Variants in CCDC192 observed in about 807,000 individuals in gnomAD.
CCDC192 encodes the protein coiled-coil domain containing 192, also known as coiled-coil domain-containing protein 192.
chr5:127,941,040 C>T (rs1024519721), intron 6 of CCDC192, 142 bp from the exon 7 acceptor site: 2 of 396,298 alleles, frequency 5.0e-6, no homozygotes, highest in Non-Finnish European at 8.9e-6. Context: ...AGATTTTATT[C>T]TCAGGGTATC....
At chr5:127,704,080 A>T (rs1299223847) in intron 1 of CCDC192, among the ~76,000 whole-genome samples, 1 of 152,186 alleles carries the variant, frequency 6.6e-6, no homozygotes, top group Non-Finnish European at 1.5e-5. Flanking sequence ...TTTTCTTTTA[A>T]ATCTTGAGTG....
chr5:127,747,278 C>T (rs1753826640), intron 2 of CCDC192, among the ~76,000 whole-genome samples: 1 of 151,778 alleles, frequency 6.6e-6, no homozygotes, highest in African/African-American at 2.4e-5. Context: ...CGCAACAGTC[C>T]CCAGAGTGTG....
chr5:127,796,987 T>C (rs1757198483), intron 3 of CCDC192, 116 bp from the exon 4 acceptor site: 1 of 379,018 alleles, frequency 2.6e-6, no homozygotes, highest in Non-Finnish European at 4.7e-6. Context: ...CTCCAGAAGC[T>C]ATTTTCATAT....
At chr5:127,703,757 G>T (rs368828330) in intron 1 of CCDC192, among the ~76,000 whole-genome samples, 1 of 152,064 alleles carries the variant, frequency 6.6e-6, no homozygotes, top group Non-Finnish European at 1.5e-5. Context: ...CCCTTACTTG[G>T]TCTTCTAAAA....
At chr5:127,928,203 A>C (rs1349210153) in intron 6 of CCDC192, among the ~76,000 whole-genome samples, 2 of 152,106 alleles carry the variant, frequency 1.3e-5, no homozygotes, top group Admixed American at 6.5e-5. Flanking sequence ...TACAGGCCTG[A>C]GCGACCACGC....
chr5:127,721,729 C>T (rs1045478408), intron 2 of CCDC192, among the ~76,000 whole-genome samples: 10 of 152,148 alleles, frequency 6.6e-5, no homozygotes, highest in Non-Finnish European at 2.9e-5. Flanking sequence ...TTGATTGGCT[C>T]ATGGTTCCTC....
chr5:127,894,060 T>G (rs1376500681), intron 6 of CCDC192, among the ~76,000 whole-genome samples: 1 of 152,186 alleles, frequency 6.6e-6, no homozygotes, highest in East Asian at 1.9e-4. Context: ...GCTGAAATGT[T>G]TATTTGTTCT....
chr5:127,878,374 G>A (rs913667192), intron 6 of CCDC192, among the ~76,000 whole-genome samples: 4 of 152,218 alleles, frequency 2.6e-5, no homozygotes, highest in Admixed American at 6.5e-5. Flanking sequence ...AGGGTAGAGG[G>A]AGTAAATGTG....
intron 5 of CCDC192, among the ~76,000 whole-genome samples, chr5:127,840,708 G>A (rs1052717907): frequency 1.3e-5 from 2 of 152,130 alleles, no homozygotes; most frequent in South Asian, 4.1e-4. Flanking sequence ...ACGACTAAAT[G>A]TAAAATATTC....
At chr5:127,714,662 G>A (rs1204212413) in intron 2 of CCDC192, among the ~76,000 whole-genome samples, 3 of 152,080 alleles carry the variant, frequency 2.0e-5, no homozygotes, top group Non-Finnish European at 2.9e-5. Flanking sequence ...GAGCCACTAC[G>A]CCTGGCCAGT....
chr5:127,879,919 A>AT (rs1752278881), intron 6 of CCDC192, among the ~76,000 whole-genome samples: 2 of 151,284 alleles, frequency 1.3e-5, no homozygotes, highest in Admixed American at 1.3e-4. Flanking sequence ...AATGGCTATC[A>AT]TTAAAAAGTC....
chr5:127,785,867 G>A lies in CCDC192; in HGVS notation c.223-11236G>A, dbSNP rs2126943318. 1.9e-5 allele frequency: 7 copies of A among 373,612 alleles called. 1 individual carries two copies. The East Asian group carries it at 3.4e-4, about 18-fold the overall frequency. 23.1% of individuals were successfully genotyped at this position (373,612 alleles called of 1,614,324 possible). ...TATGAAGCAACCACAACCTTGTCAA[G>A]AGCAGCCACAAAGCCAGTGTCATTG... On this transcript the variant is annotated intron_variant, in intron 3 of 6. Coordinates refer to ENST00000514853, the MANE Select transcript of CCDC192 (RefSeq NM_001317938.2).
At position 127,839,489 on chromosome 5, in the gene CCDC192, A is replaced by G. The variant is rs1750185307; in HGVS notation, c.412-36049A>G. ...ATCTTAGTAGAATTTCAGGTGATTT[A>G]TAATTCTTTCTTAAATTTTCTATTT... is the stretch of plus-strand genomic sequence containing the variant. On this transcript the variant is annotated intron_variant, in intron 5 of 6. Coordinates refer to ENST00000514853, the MANE Select transcript of CCDC192 (RefSeq NM_001317938.2). 3.9e-5 allele frequency among the ~76,000 whole-genome samples: 6 copies of G among 152,362 alleles called. No individual in the cohort carries two copies. The South Asian group carries it at 1.2e-3, about 32-fold the overall frequency.
At chr5:127,739,531 CGCT>C (rs1561457810) in intron 2 of CCDC192, 1 of 162,336 alleles carries the variant, frequency 6.2e-6, no homozygotes, top group East Asian at 1.8e-4. Flanking sequence ...CCCCCAGCCT[CGCT>C]GCCGCCTTGC....
intron 6 of CCDC192, among the ~76,000 whole-genome samples, chr5:127,934,702 C>A (rs925132135): frequency 2.0e-5 from 3 of 152,090 alleles, no homozygotes; most frequent in Non-Finnish European, 4.4e-5. Flanking sequence ...CATTTGCAAA[C>A]GTTCACTGTA....
chr5:127,746,343 T>C (rs1416933974), intron 2 of CCDC192, among the ~76,000 whole-genome samples: 1 of 152,234 alleles, frequency 6.6e-6, no homozygotes, highest in Admixed American at 6.5e-5. Context: ...TGTTTGTTCT[T>C]CTTAGCCAGG....
At chr5:127,916,140 G>T (rs1422886179) in intron 6 of CCDC192, among the ~76,000 whole-genome samples, 1 of 152,182 alleles carries the variant, frequency 6.6e-6, no homozygotes, top group Non-Finnish European at 1.5e-5. Context: ...ATCTTCACCA[G>T]GAATAGCTTC....
At chr5:127,723,966 G>A (rs747106026) in intron 2 of CCDC192, among the ~76,000 whole-genome samples, 20 of 152,310 alleles carry the variant, frequency 1.3e-4, no homozygotes, top group Non-Finnish European at 2.5e-4. Flanking sequence ...AATCAATGTG[G>A]TGTACTATCT....
At chr5:127,746,587 A>T (rs547553945) in intron 2 of CCDC192, among the ~76,000 whole-genome samples, 1 of 151,768 alleles carries the variant, frequency 6.6e-6, no homozygotes, top group African/African-American at 2.4e-5. Context: ...TCTAAGTGTA[A>T]ATACACAAGA....
Sources: allele counts gnomAD v4.1 joint callset (sites outside exome capture counted in the v4.1 genomes callset), GRCh38; gene constraint gnomAD v4.1.1; transcripts MANE v1.5; gene names NCBI Gene and HGNC (gene_info 2026-07-23, HGNC 2026-07-21).